The following WDR59 variants were observed in gnomAD, a reference collection of about 807,000 sequenced individuals.
WDR59 encodes GATOR2 complex protein WDR59.
Under a neutral mutation model 131.2 loss-of-function variants are expected in WDR59, and 100 were observed. That is an observed-to-expected ratio of 0.76 (90% CI 0.65 to 0.90). The LOEUF is 0.90. Ranked by LOEUF, WDR59 falls within the 40% of genes least tolerant of loss-of-function variation. The pLI is 0.00. For synonymous variants in WDR59, 601 were observed against 466.2 expected, an observed-to-expected ratio of 1.29 and a Z score of -3.72; for missense variants, 1,203 against 1,262.2, an observed-to-expected ratio of 0.95 and a Z score of 0.71.
Position 74,892,578 on chromosome 16 carries a change from A to T in WDR59, c.2001-13T>A, listed in dbSNP as rs528217285. The T allele has an allele frequency of 4.5e-5, 73 of 1,606,500 alleles. No individual in the cohort carries two copies. In the Middle Eastern group the frequency reaches 8.3e-4, roughly 18 times the overall value. ...ATTCACATTCAATCTGAAATTTTTT[A>T]AAAAGAATTAAACATTTCTTTCTAG... On this transcript the variant is annotated splice_polypyrimidine_tract_variant and intron_variant, in intron 19 of 25. Coordinates refer to ENST00000262144, the MANE Select transcript of WDR59 (RefSeq NM_030581.4).
In WDR59 at chr16:74,915,977, G is replaced by A. The variant is rs1597708528; in HGVS notation, c.1117C>T (p.Pro373Ser). The A allele has an allele frequency of 1.2e-6, 2 of 1,614,166 alleles. No individual in the cohort carries two copies. Among genetic ancestry groups the A allele is most frequent in the Non-Finnish European group, 1.7e-6 (2 of 1,180,022 alleles). Residue 373 changes from proline to serine, a missense_variant, in exon 13 of 26, where the codon CCT (proline) becomes TCT (serine). Coordinates refer to ENST00000262144, the MANE Select transcript of WDR59 (RefSeq NM_030581.4). ...TTCCTCTCTTCCAGGAGATTTCTAGGGGGATCTTCTTTTAGGGCTAGCAGG... is the reference window on the plus strand; with the variant it reads ...TTCCTCTCTTCCAGGAGATTTCTAGAGGGATCTTCTTTTAGGGCTAGCAGG... The part of the protein sequence containing the change: ...GEEEALKEDP[P>S]RNLLEERKSD...
At chr16:74,975,438 GGATCACCTAA>G (rs2034142866) in intron 1 of WDR59, among the ~76,000 whole-genome samples, 1 of 151,804 alleles carries the variant, frequency 6.6e-6, no homozygotes, top group South Asian at 2.1e-4. Flanking sequence ...CAAGACGGGT[GGATCACCTAA>G]GGTCAGGAGT....
At chr16:74,920,935 T>A (rs186799987) in intron 10 of WDR59, among the ~76,000 whole-genome samples, 11 of 152,248 alleles carry the variant, frequency 7.2e-5, no homozygotes, top group African/African-American at 2.6e-4. Flanking sequence ...AGGGAGGGGA[T>A]GGTGACCAGG....
intron 1 of WDR59, among the ~76,000 whole-genome samples, chr16:74,970,943 T>TG (rs1441408366): frequency 3.3e-5 from 5 of 151,256 alleles, no homozygotes; most frequent in Non-Finnish European, 7.4e-5. Context: ...CCCAGCTACT[T>TG]GGGGGGCTGA....
intron 14 of WDR59, among the ~76,000 whole-genome samples, chr16:74,910,459 A>G (rs1332530193): frequency 1.3e-5 from 2 of 152,258 alleles, no homozygotes; most frequent in African/African-American, 4.8e-5. Flanking sequence ...GTGGATTTTG[A>G]GAGGGCAGCT....
chr16:74,916,147 G>T lies in WDR59; in HGVS notation c.1079C>A (p.Ala360Glu), dbSNP rs145204107. The T allele has an allele frequency of 3.1e-5, 50 of 1,614,090 alleles. No homozygotes were observed. The highest frequency in any genetic ancestry group is 3.9e-5 in the Non-Finnish European group (46 of 1,180,038). Residue 360 changes from alanine (A) to glutamate (E), a missense_variant, in exon 12 of 26, where the codon GCA becomes GAA. Coordinates refer to ENST00000262144, the MANE Select transcript of WDR59 (RefSeq NM_030581.4). ...HTEDTDHQHT[A>E]SHGEEEALKE... ...ATTACCTTCTTCCTCCCCATGGCTT[G>T]CAGTGTGCTGGTGATCTGTATCTTC...
rs114754002 is a variant in WDR59, at chr16:74,975,076, G to C, written c.55-9254C>G. Among the ~76,000 whole-genome samples, 1,175 of 152,284 alleles carry C rather than the reference G, an allele frequency of 7.7e-3. 23 individuals are homozygous for C. Among genetic ancestry groups the C allele is most frequent in the African/African-American group, 0.027 (1,121 of 41,578 alleles). On this transcript the variant is annotated intron_variant, in intron 1 of 25. Transcript: ENST00000262144. ...TATCCTTGTTTTATGAATGAAGGAA[G>C]TCAGTCGGGCGCAGAGGCTCACACC...
At chr16:74,973,165 C>T (rs1436152716) in intron 1 of WDR59, among the ~76,000 whole-genome samples, 1 of 151,998 alleles carries the variant, frequency 6.6e-6, no homozygotes, top group Non-Finnish European at 1.5e-5. Flanking sequence ...CGCTTGAACC[C>T]GGGAGGTAGA....
At chr16:74,905,243 C>T (rs1378913815) in intron 17 of WDR59, among the ~76,000 whole-genome samples, 6 of 151,988 alleles carry the variant, frequency 3.9e-5, no homozygotes, top group Admixed American at 1.3e-4. Flanking sequence ...GGCGTGGTGG[C>T]GCATGCCTAT....
chr16:74,918,586 T>A (rs932875663), intron 10 of WDR59, among the ~76,000 whole-genome samples: 1 of 152,248 alleles, frequency 6.6e-6, no homozygotes, highest in Admixed American at 6.5e-5. Context: ...CTTAATTGAC[T>A]GAATCATATT....
chr16:74,884,952 C>A (rs1479002069), intron 25 of WDR59, among the ~76,000 whole-genome samples: 1 of 152,190 alleles, frequency 6.6e-6, no homozygotes, highest in African/African-American at 2.4e-5. Flanking sequence ...TCCCTGCCCC[C>A]ACATCGTTTC....
intron 2 of WDR59, among the ~76,000 whole-genome samples, chr16:74,960,763 A>T (rs890349579): frequency 1.3e-5 from 2 of 151,704 alleles, no homozygotes; most frequent in Non-Finnish European, 2.9e-5. Context: ...TAAAAAAAAA[A>T]AAAAAAAGAG....
At chr16:74,884,990 T>G (rs907193433) in intron 25 of WDR59, among the ~76,000 whole-genome samples, 1 of 152,244 alleles carries the variant, frequency 6.6e-6, no homozygotes, top group Admixed American at 6.5e-5. Context: ...TTATCACAAT[T>G]TGAAATTACT....
intron 8 of WDR59, among the ~76,000 whole-genome samples, chr16:74,935,509 ATAC>A (rs1382028811): frequency 6.6e-6 from 1 of 152,096 alleles, no homozygotes; most frequent in Non-Finnish European, 1.5e-5. Flanking sequence ...ACATTTAGTG[ATAC>A]CTTGCTCCAG....
chr16:74,872,136 A>C lies in WDR59; in HGVS notation c.*2073T>G, dbSNP rs537466134. Reference sequence around the variant, plus strand: ...CATTTTCCTTAGCTATGTATGGTACATTGTGATCATTTTTCTCTTACACCA... The same window carrying C: ...CATTTTCCTTAGCTATGTATGGTACCTTGTGATCATTTTTCTCTTACACCA... On this transcript the variant is annotated 3_prime_UTR_variant, in exon 26 of 26. Transcript: ENST00000262144. The C allele has an allele frequency of 3.3e-5, 5 of 152,228 alleles. No individual in the cohort carries two copies. The highest frequency in any genetic ancestry group is 1.2e-4 in the African/African-American group (5 of 41,458). 9.4% of individuals were successfully genotyped at this position (152,228 alleles called of 1,614,324 possible).
intron 13 of WDR59, among the ~76,000 whole-genome samples, chr16:74,913,767 G>A (rs533887280): frequency 3.3e-5 from 5 of 152,296 alleles, no homozygotes; most frequent in South Asian, 2.1e-4. Flanking sequence ...GGATTGCCAC[G>A]GGCTGAGGGA....
chr16:74,919,031 T>C (rs547260267), intron 10 of WDR59, among the ~76,000 whole-genome samples: 2 of 152,302 alleles, frequency 1.3e-5, no homozygotes, highest in Non-Finnish European at 2.9e-5. Flanking sequence ...CTGGCTTCTC[T>C]TCCTGCCCCT....
chr16:74,939,953 C>G (rs1003227917), intron 7 of WDR59, among the ~76,000 whole-genome samples: 1 of 152,114 alleles, frequency 6.6e-6, no homozygotes, highest in Non-Finnish European at 1.5e-5. Context: ...CAACTGCACT[C>G]CAACCTGGGA....
intron 25 of WDR59, among the ~76,000 whole-genome samples, chr16:74,882,669 C>G (rs527905756): frequency 6.6e-6 from 1 of 151,566 alleles, no homozygotes; most frequent in African/African-American, 2.4e-5. Flanking sequence ...ATACAAGTGG[C>G]GTGGTGGCGG....
Sources: gnomAD v4.1 joint callset for allele counts (sites outside exome capture counted in the v4.1 genomes callset) on GRCh38, gnomAD v4.1.1 for gene constraint, MANE v1.5 for transcripts, NCBI Gene and HGNC (gene_info 2026-07-23, HGNC 2026-07-21) for gene names.